MED26: variants seen among roughly 807,000 people sequenced by gnomAD.
MED26 encodes the protein mediator of RNA polymerase II transcription subunit 26.
A neutral mutation model predicts 43.7 loss-of-function variants in MED26; 7 were observed. That is an observed-to-expected ratio of 0.16 (90% CI 0.09 to 0.30). MED26 has a LOEUF of 0.30. Among genes scored for constraint, MED26 ranks in the 10% least tolerant of loss-of-function variants. The probability of loss-of-function intolerance (pLI) is 1.00; values close to 1 mark genes in which losing one functional copy is unlikely to be tolerated. For synonymous variants in MED26, 375 were observed against 371.1 expected, an observed-to-expected ratio of 1.01 and a Z score of -0.12; for missense variants, 784 against 840.6, an observed-to-expected ratio of 0.93 and a Z score of 0.83.
chr19:16,619,178 A>G (rs2086239563), intron 1 of MED26, among the ~76,000 whole-genome samples: 2 of 152,202 alleles, frequency 1.3e-5, no homozygotes, highest in Admixed American at 1.3e-4. Context: ...GACCACCCAA[A>G]AGGATAAAAC....
chr19:16,577,514 CGTTGGCAGA>C lies in MED26; in HGVS notation c.307_315del (p.Ser103_Asn105del). On this transcript the variant is annotated inframe_deletion, in exon 3 of 3. Coordinates refer to ENST00000263390, the MANE Select transcript of MED26 (RefSeq NM_004831.5). The surrounding 1 kb of genome is among the most constrained non-coding windows in gnomAD (Gnocchi z 8.1). Reference sequence around the variant, plus strand: ...TCCGGCCGGCAGTTGTGTGCGCCCCCGTTGGCAGAGCCGGTGGCCCCCGCCAGCCCCCGC... The same window carrying C: ...TCCGGCCGGCAGTTGTGTGCGCCCCCGCCGGTGGCCCCCGCCAGCCCCCGC... The C allele has an allele frequency of 6.2e-7, 1 of 1,601,664 alleles. No homozygotes were observed. Among genetic ancestry groups the C allele is most frequent in the Non-Finnish European group, 8.5e-7 (1 of 1,173,472 alleles).
At chr19:16,615,028 T>C (rs1299762483) in intron 1 of MED26, among the ~76,000 whole-genome samples, 1 of 149,964 alleles carries the variant, frequency 6.7e-6, no homozygotes, top group South Asian at 2.1e-4. Context: ...ACAGAATGAA[T>C]GGCTCTCTAA....
intron 1 of MED26, among the ~76,000 whole-genome samples, chr19:16,600,745 G>A (rs2086144628): frequency 6.6e-6 from 1 of 152,178 alleles, no homozygotes; most frequent in Admixed American, 6.5e-5. Flanking sequence ...AGATGGACTA[G>A]GAAGAGCTGG....
chr19:16,578,265 A>C lies in MED26; in HGVS notation c.147+70T>G, dbSNP rs572762279. 1.0e-5 allele frequency: 14 copies of C among 1,384,576 alleles called. No individual in the cohort carries two copies. The African/African-American group carries it at 2.0e-4, about 20-fold the overall frequency. 85.8% of individuals were successfully genotyped at this position (1,384,576 alleles called of 1,614,324 possible). On this transcript the variant is annotated intron_variant, in intron 2 of 2. Transcript: ENST00000263390. ...ACACTGATGCTCCCAGAAGCTGCGG[A>C]AGGACCTGGTTGGTACCATCCCCTG...
At chr19:16,619,652 G>T (rs1169193785) in intron 1 of MED26, among the ~76,000 whole-genome samples, 1 of 152,108 alleles carries the variant, frequency 6.6e-6, no homozygotes, top group Admixed American at 6.6e-5. Context: ...CTGGGCTCTC[G>T]GTGTGGGCCA....
In MED26 at chr19:16,576,582, C is replaced by T. The variant is rs771912055; in HGVS notation, c.1248G>A (p.Lys416=). 1 of 1,614,212 alleles carries T rather than the reference C, an allele frequency of 6.2e-7. No individual in the cohort carries two copies. Among genetic ancestry groups the T allele is most frequent in the Non-Finnish European group, 8.5e-7 (1 of 1,180,038 alleles). The part of the protein sequence containing the change: ...LDGQVAEAGV[K]PVRLKERKLT... ...GCTTCCGCTCTTTTAACCGGACAGG[C>T]TTGACGCCCGCCTCAGCCACCTGCC... Residue 416 remains lysine (K), a synonymous_variant, in exon 3 of 3, where the codon AAG becomes AAA. Transcript: ENST00000263390. This position sits in a 1 kb window ranked among gnomAD's most constrained non-coding sequence, Gnocchi z 6.8.
At chr19:16,624,095 A>G (rs758936271) in intron 1 of MED26, among the ~76,000 whole-genome samples, 51 of 151,582 alleles carry the variant, frequency 3.4e-4, no homozygotes, top group South Asian at 1.5e-3. Flanking sequence ...CACACAATGT[A>G]CCTTGCAAAG....
At chr19:16,584,099 A>G (rs919099976) in intron 1 of MED26, among the ~76,000 whole-genome samples, 1 of 151,962 alleles carries the variant, frequency 6.6e-6, no homozygotes, top group South Asian at 2.1e-4. Flanking sequence ...AGAACTTAAA[A>G]AGGCTTCCAC....
chr19:16,609,433 C>G (rs767321006), intron 1 of MED26, among the ~76,000 whole-genome samples: 1 of 151,186 alleles, frequency 6.6e-6, no homozygotes, highest in African/African-American at 2.4e-5. Flanking sequence ...TGGTGAGAAG[C>G]AATTGGCTAT....
intron 1 of MED26, among the ~76,000 whole-genome samples, chr19:16,580,105 G>C (rs1351993240): frequency 6.6e-6 from 1 of 152,204 alleles, no homozygotes; most frequent in East Asian, 1.9e-4. Context: ...AGCCATGGAG[G>C]AGCTGGGGCT....
intron 2 of MED26, 189 bp downstream of exon 2, chr19:16,578,146 A>C: frequency 1.6e-6 from 1 of 631,974 alleles, no homozygotes; most frequent in Non-Finnish European, 2.9e-6. Flanking sequence ...GATGGGAGTA[A>C]CACCACTTGG....
chr19:16,585,794 T>C (rs2086067966), intron 1 of MED26, among the ~76,000 whole-genome samples: 1 of 152,296 alleles, frequency 6.6e-6, no homozygotes, highest in African/African-American at 2.4e-5. Context: ...GCAAATATTT[T>C]AATTGGGCCA....
At chr19:16,627,166 G>A (rs1330849505) in intron 1 of MED26, among the ~76,000 whole-genome samples, 1 of 152,140 alleles carries the variant, frequency 6.6e-6, no homozygotes, top group Non-Finnish European at 1.5e-5. Flanking sequence ...ATGGAGCTCT[G>A]GCTTGGTCAG....
intron 1 of MED26, among the ~76,000 whole-genome samples, chr19:16,589,643 CA>C (rs2122399809): frequency 6.6e-6 from 1 of 152,278 alleles, no homozygotes; most frequent in African/African-American, 2.4e-5. Context: ...AAGATGGCTT[CA>C]GGGGAAAGGC....
At chr19:16,593,417 G>A (rs939466591) in intron 1 of MED26, among the ~76,000 whole-genome samples, 7 of 152,150 alleles carry the variant, frequency 4.6e-5, no homozygotes, top group South Asian at 2.1e-4. Context: ...CAACACACCC[G>A]CTTTCTCACA....
chr19:16,602,690 A>T (rs1449798497), intron 1 of MED26, among the ~76,000 whole-genome samples: 3 of 152,244 alleles, frequency 2.0e-5, no homozygotes, highest in African/African-American at 7.2e-5. Context: ...ATCCTGACAC[A>T]TGCAACAACA....
chr19:16,603,676 C>T (rs891776823), intron 1 of MED26, among the ~76,000 whole-genome samples: 1 of 152,138 alleles, frequency 6.6e-6, no homozygotes, highest in East Asian at 1.9e-4. Flanking sequence ...CAGATGTAAA[C>T]AGGTACTCTC....
Position 16,626,961 on chromosome 19 carries a change from G to A in MED26, c.72+911C>T, listed in dbSNP as rs149225271. ...CAACAACACACACACACACACGGAA[G>A]GGGAGGGGGCGGTCCCTCCGCAAAC... On this transcript the variant is annotated intron_variant, in intron 1 of 2. Transcript: ENST00000263390. Among the ~76,000 whole-genome samples, 866 of 114,698 alleles carry A rather than the reference G, an allele frequency of 7.6e-3. 35 individuals carry two copies. In the Admixed American group the frequency reaches 0.084, roughly 11 times the overall value. 75.2% of individuals were successfully genotyped at this position (114,698 alleles called of 152,430 possible). A position where few individuals can be genotyped will look rare whatever the true frequency, so the allele number is the denominator to read the frequency against.
At position 16,574,920 on chromosome 19, in the gene MED26, GGTT is replaced by G. The variant is rs1441809109; in HGVS notation, c.*1104_*1106del. The G allele has an allele frequency of 6.6e-6, 1 of 151,182 alleles. No individual in the cohort carries two copies. The highest frequency in any genetic ancestry group is 6.6e-5 in the Admixed American group (1 of 15,164). The allele number at this position is 151,182 out of a possible 1,614,324, so 9.4% of individuals were successfully genotyped here. A position where few individuals can be genotyped will look rare whatever the true frequency, so the allele number is the denominator to read the frequency against. On this transcript the variant is annotated 3_prime_UTR_variant, in exon 3 of 3. Transcript: ENST00000263390. The stretch of plus-strand genomic sequence containing the variant: ...GATTCTCAGACTGGTTTGTGCAAAT[GGTT>G]TTTTTTTTTTTTTTATTTCCACATT...
Sources: gnomAD v4.1 joint callset for allele counts (sites outside exome capture counted in the v4.1 genomes callset) on GRCh38, gnomAD v4.1.1 for gene constraint, Gnocchi (gnomAD v3.1) non-coding constraint, MANE v1.5 for transcripts, NCBI Gene and HGNC (gene_info 2026-07-23, HGNC 2026-07-21) for gene names.